MTUS2: variants seen among roughly 807,000 people sequenced by gnomAD.
MTUS2 encodes microtubule associated scaffold protein 2.
Under a neutral mutation model 114.1 loss-of-function variants are expected in MTUS2, and 40 were observed. The ratio of observed to expected loss-of-function variants is 0.35; its 90% CI spans 0.27 to 0.46. The LOEUF (loss-of-function observed/expected upper bound fraction) is 0.46, where lower values mean the gene tolerates loss of function less well. Among genes scored for constraint, MTUS2 ranks in the 20% least tolerant of loss-of-function variants. The pLI, the probability that MTUS2 is intolerant of heterozygous loss-of-function variation, is 1.00. For synonymous variants in MTUS2, 688 were observed against 672.0 expected (o/e 1.02, Z -0.37); for missense variants, 1,679 against 1,705.4 (o/e 0.98, Z 0.27).
chr13:28,967,420 C>T (rs796577002), intron 2 of MTUS2, among the ~76,000 whole-genome samples: 4 of 152,210 alleles, frequency 2.6e-5, no homozygotes, highest in African/African-American at 9.6e-5. Flanking sequence ...TTCTACCCCA[C>T]CTATATCCCT....
intron 9 of MTUS2, among the ~76,000 whole-genome samples, chr13:29,453,661 A>T (rs1048584286): frequency 2.6e-5 from 4 of 152,230 alleles, no homozygotes; most frequent in Non-Finnish European, 4.4e-5. Context: ...CATACACTTG[A>T]TCAGTTTCAG....
intron 2 of MTUS2, among the ~76,000 whole-genome samples, chr13:28,907,433 C>A (rs1468966585): frequency 6.6e-6 from 1 of 151,510 alleles, no homozygotes; most frequent in Non-Finnish European, 1.5e-5. Context: ...GGACTAAATG[C>A]TCCAATTAAA....
chr13:29,227,969 G>T (rs1290337875), intron 5 of MTUS2, among the ~76,000 whole-genome samples: 1 of 152,108 alleles, frequency 6.6e-6, no homozygotes, highest in East Asian at 1.9e-4. Flanking sequence ...GAATTATAGT[G>T]TTTTTTCTTA....
intron 5 of MTUS2, among the ~76,000 whole-genome samples, chr13:29,177,177 CA>C (rs1893809147): frequency 6.6e-6 from 1 of 150,906 alleles, no homozygotes; most frequent in Non-Finnish European, 1.5e-5. Context: ...ATCTAATAAG[CA>C]TACAGTGGAG....
chr13:28,910,079 A>G (rs531939171), intron 2 of MTUS2, among the ~76,000 whole-genome samples: 2 of 152,030 alleles, frequency 1.3e-5, no homozygotes, highest in Non-Finnish European at 2.9e-5. Flanking sequence ...TTAAACTATT[A>G]CTGACTGTAG....
chr13:29,233,120 A>G (rs1463954467), intron 5 of MTUS2, among the ~76,000 whole-genome samples: 1 of 152,150 alleles, frequency 6.6e-6, no homozygotes, highest in African/African-American at 2.4e-5. Flanking sequence ...TGCCTTTTTG[A>G]AAAATAGGTT....
At chr13:29,279,818 A>G (rs746469419) in intron 5 of MTUS2, among the ~76,000 whole-genome samples, 12 of 152,224 alleles carry the variant, frequency 7.9e-5, no homozygotes, top group Non-Finnish European at 1.5e-4. Context: ...AATTTCATGT[A>G]AGAGAATGAT....
chr13:29,388,954 C>A (rs923484711), intron 8 of MTUS2, among the ~76,000 whole-genome samples: 4 of 151,822 alleles, frequency 2.6e-5, no homozygotes, highest in Admixed American at 2.6e-4. Context: ...GTTGTCTTGC[C>A]CCCAGCAGTA....
intron 2 of MTUS2, among the ~76,000 whole-genome samples, chr13:28,891,558 G>A (rs1878923604): frequency 1.3e-5 from 2 of 152,086 alleles, no homozygotes; most frequent in African/African-American, 4.8e-5. Context: ...TAGGGGCAAT[G>A]TGCTGAAAGG....
intron 5 of MTUS2, among the ~76,000 whole-genome samples, chr13:29,117,206 G>T (rs1281316958): frequency 1.3e-5 from 2 of 152,172 alleles, no homozygotes; most frequent in Non-Finnish European, 2.9e-5. Flanking sequence ...TAGCCCCTCA[G>T]CTTGGATCTG....
At chr13:29,356,658 G>A (rs890346720) in intron 7 of MTUS2, among the ~76,000 whole-genome samples, 8 of 152,186 alleles carry the variant, frequency 5.3e-5, no homozygotes, top group Non-Finnish European at 1.0e-4. Flanking sequence ...TGTTTTTAGC[G>A]AAGACAAAAG....
intron 8 of MTUS2, among the ~76,000 whole-genome samples, chr13:29,373,305 CT>C (rs1593364337): frequency 6.6e-6 from 1 of 152,136 alleles, no homozygotes; most frequent in East Asian, 1.9e-4. Context: ...GCTGTGGTCC[CT>C]GTTTTTATTA....
At chr13:29,270,560 A>C (rs1277647213) in intron 5 of MTUS2, among the ~76,000 whole-genome samples, 1 of 152,184 alleles carries the variant, frequency 6.6e-6, no homozygotes, top group Non-Finnish European at 1.5e-5. Context: ...CCCCTCTTTG[A>C]GGTCTCCCTC....
In MTUS2 at chr13:29,498,555, C is replaced by G. The variant is rs1882699746; in HGVS notation, c.3798+18C>G. 3 of 1,613,530 alleles carry G rather than the reference C, an allele frequency of 1.9e-6. No individual in the cohort carries two copies. The highest frequency in any genetic ancestry group is 8.5e-7 in the Non-Finnish European group (1 of 1,179,756). ...AAAAGCTGGTGAGTTGGTCTGTTTG[C>G]TCGGGAGAGTAACCTCCATGACATT... On this transcript the variant is annotated intron_variant, in intron 14 of 15. Transcript: ENST00000612955.
In MTUS2 at chr13:29,262,978, A is replaced by G. The variant is rs141098806; in HGVS notation, c.2645-18726A>G. Among the ~76,000 whole-genome samples, 255 of 152,294 alleles carry G rather than the reference A, an allele frequency of 1.7e-3. 1 individual carries two copies. In the Middle Eastern group the frequency reaches 0.017, roughly 10 times the overall value. ...CCAGGCACTTTGTAAAGTGCTTTAT[A>G]TGCACTTTCTCATTTAATTCTCAGA... On this transcript the variant is annotated intron_variant, in intron 5 of 15. Transcript: ENST00000612955.
intron 2 of MTUS2, among the ~76,000 whole-genome samples, chr13:29,009,686 C>T (rs998934087): frequency 1.3e-5 from 2 of 152,020 alleles, no homozygotes; most frequent in Non-Finnish European, 2.9e-5. Flanking sequence ...GAACTATAAA[C>T]CAAAATGAAT....
chr13:29,215,849 G>A (rs1593177392), intron 5 of MTUS2, among the ~76,000 whole-genome samples: 5 of 152,162 alleles, frequency 3.3e-5, no homozygotes, highest in Admixed American at 3.3e-4. Context: ...CAGGAGGCAC[G>A]GGGGTCAGGG....
intron 5 of MTUS2, among the ~76,000 whole-genome samples, chr13:29,266,543 A>T (rs35224593): frequency 0.013 from 1,990 of 152,338 alleles, 27 homozygotes; most frequent in East Asian, 0.081. Context: ...TAAAACCATT[A>T]AATTTTGATA....
At chr13:29,455,639 C>G (rs1879049556) in intron 9 of MTUS2, among the ~76,000 whole-genome samples, 1 of 152,086 alleles carries the variant, frequency 6.6e-6, no homozygotes, top group Non-Finnish European at 1.5e-5. Flanking sequence ...CAAAAATAGA[C>G]ATACAAAGAA....
Sources: gnomAD v4.1 joint callset for allele counts (sites outside exome capture counted in the v4.1 genomes callset) on GRCh38, gnomAD v4.1.1 for gene constraint, MANE v1.5 for transcripts, NCBI Gene and HGNC (gene_info 2026-07-23, HGNC 2026-07-21) for gene names.